Variants in TRIO observed in about 807,000 individuals in gnomAD.
TRIO encodes the protein triple functional domain protein.
TRIO carries 58 observed loss-of-function variants against 351.9 expected under a neutral mutation model. The ratio of observed to expected loss-of-function variants is 0.16; its 90% CI spans 0.13 to 0.21. TRIO has a LOEUF of 0.21. TRIO is among the 10% of genes least tolerant of loss of function. The probability of loss-of-function intolerance (pLI) is 1.00; values close to 1 mark genes in which losing one functional copy is unlikely to be tolerated. For synonymous variants in TRIO, 1,758 were observed against 1,595.7 expected (o/e 1.10, Z -2.42); for missense variants, 3,201 against 4,027.8 (o/e 0.79, Z 5.56).
intron 15 of TRIO, 36 bp downstream of exon 15, chr5:14,364,852 T>C (rs1027500525): frequency 1.3e-6 from 2 of 1,583,324 alleles, no homozygotes; most frequent in Non-Finnish European, 1.7e-6. Context: ...GAGGCTGCGC[T>C]ACAGATGCTT....
intron 31 of TRIO, among the ~76,000 whole-genome samples, chr5:14,403,811 C>G (rs868819948): frequency 3.0e-4 from 5 of 16,764 alleles, no homozygotes; most frequent in Non-Finnish European, 5.0e-4. Flanking sequence ...GGTGAGGGTG[C>G]AGGTTGTGAG....
intron 21 of TRIO, among the ~76,000 whole-genome samples, chr5:14,384,888 G>A (rs532306788): frequency 1.3e-5 from 2 of 152,214 alleles, no homozygotes; most frequent in East Asian, 1.9e-4. Context: ...GGACTGATTT[G>A]CCAGTAAGAA....
intron 1 of TRIO, among the ~76,000 whole-genome samples, chr5:14,181,891 G>A (rs1789792761): frequency 6.6e-6 from 1 of 151,908 alleles, no homozygotes; most frequent in Admixed American, 6.6e-5. Flanking sequence ...TCTACACTCC[G>A]GGCTGATGTG....
At chr5:14,351,871 T>C (rs1410356188) in intron 11 of TRIO, among the ~76,000 whole-genome samples, 3 of 152,248 alleles carry the variant, frequency 2.0e-5, no homozygotes, top group Non-Finnish European at 4.4e-5. Context: ...GATCCTACTT[T>C]CGACTTAACT....
intron 49 of TRIO, 150 bp downstream of exon 49, chr5:14,492,964 G>T: frequency 8.0e-7 from 1 of 1,251,356 alleles, no homozygotes. Context: ...CACGTGGGAA[G>T]ATGGGTGGCC....
At chr5:14,357,552 G>A (rs1743730924) in intron 11 of TRIO, among the ~76,000 whole-genome samples, 4 of 151,898 alleles carry the variant, frequency 2.6e-5, no homozygotes, top group Admixed American at 2.6e-4. Context: ...GGCAGTGGAG[G>A]TGTCTGCATC....
chr5:14,193,011 C>G (rs925327215), intron 1 of TRIO, among the ~76,000 whole-genome samples: 1 of 152,160 alleles, frequency 6.6e-6, no homozygotes, highest in Non-Finnish European at 1.5e-5. Flanking sequence ...CTCTTGTTGG[C>G]TGGAATGAAG....
chr5:14,209,852 T>A (rs1220082224), intron 1 of TRIO, among the ~76,000 whole-genome samples: 1 of 152,168 alleles, frequency 6.6e-6, no homozygotes, highest in Non-Finnish European at 1.5e-5. Context: ...GATCTTCTGG[T>A]GAGAGGAATT....
chr5:14,307,085 A>G (rs1223364447), intron 8 of TRIO, among the ~76,000 whole-genome samples: 1 of 152,188 alleles, frequency 6.6e-6, no homozygotes, highest in Non-Finnish European at 1.5e-5. Flanking sequence ...TGCCTCTTAA[A>G]TTATTTACAT....
At position 14,261,593 on chromosome 5, in the gene TRIO, C is replaced by T. The variant is rs561614514; in HGVS notation, c.158-9232C>T. Among the ~76,000 whole-genome samples, 66 of 152,266 alleles carry T rather than the reference C, an allele frequency of 4.3e-4. 1 individual carries two copies. Among genetic ancestry groups the T allele is most frequent in the Non-Finnish European group, 6.8e-4 (46 of 68,018 alleles). ...TCATAATGAAAACATTTCAGTGTCACGTTAAATTCTTGGGGGAAAAGCCCA... is the reference window on the plus strand; with the variant it reads ...TCATAATGAAAACATTTCAGTGTCATGTTAAATTCTTGGGGGAAAAGCCCA... On this transcript the variant is annotated intron_variant, in intron 1 of 56. Coordinates refer to ENST00000344204, the MANE Select transcript of TRIO (RefSeq NM_007118.4).
At chr5:14,473,952 CATATTCCATGAAA>C (rs1561532064) in intron 39 of TRIO, 29 bp from the exon 40 acceptor site, 1 of 1,578,036 alleles carries the variant, frequency 6.3e-7, no homozygotes, top group Non-Finnish European at 8.7e-7. Context: ...TTGATTCAGA[CATATTCCATGAAA>C]TACACTTATC....
At chr5:14,257,368 TAGAC>T (rs763264848) in intron 1 of TRIO, among the ~76,000 whole-genome samples, 21 of 152,298 alleles carry the variant, frequency 1.4e-4, no homozygotes, top group African/African-American at 4.6e-4. Flanking sequence ...TGCAGAAAGA[TAGAC>T]AGGTTAATCG....
chr5:14,159,752 A>C (rs953647286), intron 1 of TRIO, among the ~76,000 whole-genome samples: 1 of 152,012 alleles, frequency 6.6e-6, no homozygotes, highest in African/African-American at 2.4e-5. Flanking sequence ...TTTTTAGTAG[A>C]GACAGGGTTT....
rs978593068 is a variant in TRIO, at chr5:14,497,860, A to G, written c.8033A>G (p.Asn2678Ser). The change falls in exon 51 of 57, where the codon AAC (asparagine) becomes AGC (serine). Residue 2678 changes from asparagine (N) to serine (S), a missense_variant. Asn to Ser is a conservative substitution (Grantham distance 46). Around this residue, in one of 19 missense-constraint regions of TRIO, gnomAD observed 1,089 missense variants for 954.9 expected, o/e 1.14. Coordinates refer to ENST00000344204, the MANE Select transcript of TRIO (RefSeq NM_007118.4). This position sits in a 1 kb window ranked among gnomAD's most constrained non-coding sequence, Gnocchi z 4.4. ...TTTCCATTTCAGCTTCTCAATCCCA[A>G]CTACATTTATGACGGTGAGTTCTGT... Reference protein sequence around the residue: ...NKVSVKLLNPNYIYDVPPEFV... With the variant: ...NKVSVKLLNPSYIYDVPPEFV... The G allele has an allele frequency of 1.2e-6, 2 of 1,614,044 alleles. No homozygotes were observed. The highest frequency in any genetic ancestry group is 1.7e-6 in the Non-Finnish European group (2 of 1,180,040).
intron 9 of TRIO, among the ~76,000 whole-genome samples, chr5:14,324,836 C>G (rs1187593313): frequency 2.0e-5 from 3 of 152,120 alleles, no homozygotes; most frequent in African/African-American, 7.2e-5. Flanking sequence ...GGACAGCCCC[C>G]CCATAATCAA....
At chr5:14,442,884 C>T (rs1350527133) in intron 34 of TRIO, among the ~76,000 whole-genome samples, 1 of 152,202 alleles carries the variant, frequency 6.6e-6, no homozygotes, top group African/African-American at 2.4e-5. Flanking sequence ...CTTTCTTTGT[C>T]TGCAAAGTGG....
chr5:14,164,617 C>A (rs1788658194), intron 1 of TRIO, among the ~76,000 whole-genome samples: 1 of 150,824 alleles, frequency 6.6e-6, no homozygotes, highest in African/African-American at 2.5e-5. Context: ...ACAATGGCCT[C>A]TCAACGTACT....
At chr5:14,175,026 AC>A (rs1226665021) in intron 1 of TRIO, among the ~76,000 whole-genome samples, 27 of 150,190 alleles carry the variant, frequency 1.8e-4, no homozygotes, top group Admixed American at 1.3e-4. Context: ...TGCACATATT[AC>A]TTTAAAATCT....
At chr5:14,450,254 A>C (rs1752761654) in intron 34 of TRIO, among the ~76,000 whole-genome samples, 1 of 152,182 alleles carries the variant, frequency 6.6e-6, no homozygotes, top group African/African-American at 2.4e-5. Context: ...ACTAGCCCAA[A>C]ATGGGGAGAC....
Sources: gnomAD v4.1 joint callset for allele counts (sites outside exome capture counted in the v4.1 genomes callset) on GRCh38, gnomAD v4.1.1 for gene constraint, gnomAD v4.1.1 regional missense constraint, Gnocchi (gnomAD v3.1) non-coding constraint, MANE v1.5 for transcripts, NCBI Gene and HGNC (gene_info 2026-07-23, HGNC 2026-07-21) for gene names.